SLC33A2: variants seen among roughly 807,000 people sequenced by gnomAD.
SLC33A2 encodes major facilitator superfamily domain containing 3.
the SLC33A2 span, chr8:144,509,742 A>T: frequency 6.4e-7 from 1 of 1,567,698 alleles, no homozygotes; most frequent in Non-Finnish European, 8.6e-7. Flanking sequence ...GCCGGGCAAT[A>T]CCGTGCAGGT....
the SLC33A2 span, chr8:144,510,700 G>A: frequency 6.4e-7 from 1 of 1,572,612 alleles, no homozygotes; most frequent in South Asian, 1.2e-5. Context: ...GGGCCAGCAT[G>A]GACGCTGGCA....
At chr8:144,511,165 G>A in the SLC33A2 span, 2 of 1,608,428 alleles carry the variant, frequency 1.2e-6, no homozygotes, top group Admixed American at 1.7e-5. Context: ...CTTTCTCTGA[G>A]CTGAGTGGCT....
chr8:144,510,330 C>T, the SLC33A2 span: 1 of 1,609,284 alleles, frequency 6.2e-7, no homozygotes, highest in Non-Finnish European at 8.5e-7. Context: ...TATGGAACCT[C>T]CCGTGCTCAT....
chr8:144,510,531 G>A, the SLC33A2 span: 1 of 1,611,920 alleles, frequency 6.2e-7, no homozygotes, highest in Non-Finnish European at 8.5e-7. Context: ...AGTGTACCCT[G>A]CCCACCCACT....
chr8:144,509,987 G>T, the SLC33A2 span: 2 of 1,596,136 alleles, frequency 1.3e-6, no homozygotes, highest in Admixed American at 3.3e-5. Context: ...CCGTGTGGAC[G>T]GCAGGCTTTG....
chr8:144,509,830 T>G, the SLC33A2 span: 1 of 1,538,278 alleles, frequency 6.5e-7, no homozygotes, highest in African/African-American at 1.4e-5. Flanking sequence ...TGGCCGCAAC[T>G]CTTTCTGCTC....
At chr8:144,509,685 G>A in the SLC33A2 span, 2 of 1,560,572 alleles carry the variant, frequency 1.3e-6, no homozygotes, top group Non-Finnish European at 1.7e-6. Flanking sequence ...GCAGGATGTG[G>A]CCCTGGACGC....
At chr8:144,510,377 A>G in the SLC33A2 span, 1 of 1,612,506 alleles carries the variant, frequency 6.2e-7, no homozygotes, top group Non-Finnish European at 8.5e-7. Context: ...GGGTGCCAGC[A>G]GCCTGTTTCC....
chr8:144,509,391 G>A, the SLC33A2 span: 8 of 1,525,182 alleles, frequency 5.2e-6, no homozygotes, highest in South Asian at 1.2e-5. Context: ...CCTGCCCTAC[G>A]GGCTCCAGTC....
At chr8:144,510,702 A>C in the SLC33A2 span, 1 of 1,573,098 alleles carries the variant, frequency 6.4e-7, no homozygotes, top group Non-Finnish European at 8.6e-7. Context: ...GCCAGCATGG[A>C]CGCTGGCACA....
chr8:144,511,166 C>G, the SLC33A2 span: 2 of 1,608,314 alleles, frequency 1.2e-6, no homozygotes, highest in Non-Finnish European at 1.7e-6. Flanking sequence ...TTTCTCTGAG[C>G]TGAGTGGCTG....
At chr8:144,510,309 G>A in the SLC33A2 span, 6 of 1,602,994 alleles carry the variant, frequency 3.7e-6, no homozygotes, top group Admixed American at 3.3e-5. Flanking sequence ...GAGAAGGGAG[G>A]TGGGGGCAGA....
At chr8:144,509,702 T>C in the SLC33A2 span, 1 of 1,566,636 alleles carries the variant, frequency 6.4e-7, no homozygotes, top group Non-Finnish European at 8.6e-7. Context: ...ACGCGCTGGC[T>C]GTGCAGCTGC....
At chr8:144,509,425 G>A in the SLC33A2 span, 7 of 1,531,836 alleles carry the variant, frequency 4.6e-6, no homozygotes, top group South Asian at 2.4e-5. Context: ...GTGCTGCTGC[G>A]TGCCGGCGGC....
At chr8:144,510,042 A>G in the SLC33A2 span, 7 of 1,580,814 alleles carry the variant, frequency 4.4e-6, no homozygotes, top group Non-Finnish European at 6.0e-6. Flanking sequence ...GCCAGGCAAC[A>G]GCAGTTGGGG....
the SLC33A2 span, chr8:144,509,291 C>T: frequency 7.7e-6 from 11 of 1,425,076 alleles, no homozygotes; most frequent in South Asian, 1.5e-5. Context: ...CGGGACCCCA[C>T]CTGGAACCCG....
At chr8:144,510,373 C>T in the SLC33A2 span, 17 of 1,612,280 alleles carry the variant, frequency 1.1e-5, no homozygotes, top group Non-Finnish European at 1.4e-5. Context: ...AGCAGGGTGC[C>T]AGCAGCCTGT....
the SLC33A2 span, chr8:144,509,904 C>CTG: frequency 6.4e-7 from 1 of 1,554,396 alleles, no homozygotes; most frequent in Non-Finnish European, 8.6e-7. Flanking sequence ...GCGGCGGCTC[C>CTG]CACAGCAGCC....
the SLC33A2 span, chr8:144,509,631 G>T: frequency 5.1e-6 from 8 of 1,568,568 alleles, no homozygotes; most frequent in Non-Finnish European, 6.9e-6. Context: ...GCTGCCCGCC[G>T]CTGTGGCGGG....
Sources: gnomAD v4.1 joint callset for allele counts on GRCh38, gnomAD v4.1.1 for gene constraint, MANE v1.5 for transcripts, NCBI Gene and HGNC (gene_info 2026-07-23, HGNC 2026-07-21) for gene names.